OTOGL: variants seen among roughly 807,000 people sequenced by gnomAD.
OTOGL encodes otogelin like, also known as otogelin-like protein.
In OTOGL, 285 loss-of-function variants were observed where a neutral mutation model predicts 318.5. The observed-to-expected ratio is 0.89, with a 90% CI of 0.81 to 0.99. The LOEUF is 0.99. OTOGL is among the 50% of genes least tolerant of loss of function. OTOGL has a pLI of 0.00. For synonymous variants in OTOGL, 987 were observed against 936.5 expected (o/e 1.05, Z -0.99); for missense variants, 2,899 against 2,845.6 (o/e 1.02, Z -0.43).
intron 1 of OTOGL, among the ~76,000 whole-genome samples, chr12:80,156,971 G>A (rs1191996709): frequency 6.6e-6 from 1 of 152,056 alleles, no homozygotes; most frequent in East Asian, 1.9e-4. Flanking sequence ...TGGAATTGCT[G>A]GATCATAGGG....
At chr12:80,250,393 G>A (rs1192981348) in intron 11 of OTOGL, among the ~76,000 whole-genome samples, 1 of 152,020 alleles carries the variant, frequency 6.6e-6, no homozygotes, top group African/African-American at 2.4e-5. Flanking sequence ...AACAACAAAT[G>A]GTGAGTATTA....
At chr12:80,104,096 A>C (rs929841429) in intron 1 of OTOGL, among the ~76,000 whole-genome samples, 2 of 152,200 alleles carry the variant, frequency 1.3e-5, no homozygotes, top group African/African-American at 2.4e-5. Flanking sequence ...TGAAGCATGA[A>C]GGTGTTAAGC....
chr12:80,116,821 C>T (rs1870194631), intron 1 of OTOGL, among the ~76,000 whole-genome samples: 1 of 152,210 alleles, frequency 6.6e-6, no homozygotes, highest in African/African-American at 2.4e-5. Flanking sequence ...TAAACTACCA[C>T]ATCTCTGGAT....
At chr12:80,209,834 A>G (rs1877110254) in intron 2 of OTOGL, among the ~76,000 whole-genome samples, 1 of 152,052 alleles carries the variant, frequency 6.6e-6, no homozygotes, top group South Asian at 2.1e-4. Context: ...ATGATATGCA[A>G]TTGTATTAGA....
At chr12:80,277,836 G>A (rs956095206) in intron 24 of OTOGL, among the ~76,000 whole-genome samples, 1 of 151,346 alleles carries the variant, frequency 6.6e-6, no homozygotes, top group Non-Finnish European at 1.5e-5. Flanking sequence ...ATTGAAGAAC[G>A]GGACTCTCAT....
At chr12:80,220,818 A>G (rs73356995) in intron 6 of OTOGL, among the ~76,000 whole-genome samples, 15,813 of 152,062 alleles carry the variant, frequency 0.1, 975 homozygotes, top group Middle Eastern at 0.16. Context: ...AATACACAAC[A>G]GATACACAAT....
chr12:80,110,833 C>T (rs1392414381), intron 1 of OTOGL, among the ~76,000 whole-genome samples: 3 of 152,202 alleles, frequency 2.0e-5, no homozygotes, highest in African/African-American at 7.2e-5. Context: ...GCCACACTGT[C>T]TTCCACAATG....
Position 80,256,410 on chromosome 12 carries a change from G to C in OTOGL, c.1661G>C (p.Gly554Ala), listed in dbSNP as rs1201287303. 1.3e-6 allele frequency: 2 copies of C among 1,592,046 alleles called. No individual in the cohort carries two copies. Among genetic ancestry groups the C allele is most frequent in the East Asian group, 2.2e-5 (1 of 44,760 alleles). ...GATTTTAACAAACAAGTGACCCTTG[G>C]TAGGGGAGGACAAATTCTCACTAGT... ...EDDFNKQVTL[G>A]RGGQILTSPN... is the part of the protein sequence containing the mutation. Residue 554 changes from glycine (G) to alanine (A), a missense_variant, in exon 17 of 59, where the codon GGT (glycine) becomes GCT (alanine). This residue lies in a region of OTOGL where 2,607 missense variants were observed against 2,524.9 expected (regional missense o/e 1.03). Transcript: ENST00000547103.
intron 24 of OTOGL, among the ~76,000 whole-genome samples, chr12:80,274,609 C>T (rs558675166): frequency 1.0e-3 from 154 of 152,130 alleles, no homozygotes; most frequent in African/African-American, 3.7e-3. Flanking sequence ...CTACACTAAA[C>T]AATAGATTTT....
intron 32 of OTOGL, among the ~76,000 whole-genome samples, chr12:80,317,058 T>C (rs1887017331): frequency 6.6e-6 from 1 of 152,206 alleles, no homozygotes; most frequent in Non-Finnish European, 1.5e-5. Context: ...AGCACAATGA[T>C]TCTATATAAT....
chr12:80,260,002 T>G (rs1013924783), intron 18 of OTOGL, among the ~76,000 whole-genome samples: 7 of 152,086 alleles, frequency 4.6e-5, no homozygotes, highest in Admixed American at 1.3e-4. Flanking sequence ...GAAAATTTAT[T>G]GTTTATCTGT....
At chr12:80,368,836 G>C (rs1280906032) in intron 55 of OTOGL, among the ~76,000 whole-genome samples, 2 of 120,932 alleles carry the variant, frequency 1.7e-5, no homozygotes, top group Non-Finnish European at 3.4e-5. Flanking sequence ...TTTTTTTTTT[G>C]CAACTTACAA....
At chr12:80,355,609 AAAAC>A (rs1889838288) in intron 46 of OTOGL, 123 bp from the exon 47 acceptor site, 2 of 690,406 alleles carry the variant, frequency 2.9e-6, no homozygotes, top group African/African-American at 3.7e-5. Flanking sequence ...AAATCTGAGA[AAAAC>A]AATAGACTTG....
rs561490154 is a variant in OTOGL, at chr12:80,291,744, G to A, written c.2929-5083G>A. Among the ~76,000 whole-genome samples, 41 of 152,256 alleles carry A rather than the reference G, an allele frequency of 2.7e-4. 1 individual carries two copies. Among genetic ancestry groups the A allele is most frequent in the Middle Eastern group, 6.8e-3 (2 of 294 alleles). On this transcript the variant is annotated intron_variant, in intron 26 of 58. Transcript: ENST00000547103. The stretch of plus-strand genomic sequence containing the variant: ...TCAAAGCTGTGGTAAAATAACCAGC[G>A]TCTCCAACTGTTTCCTGTTACAACA...
intron 1 of OTOGL, among the ~76,000 whole-genome samples, chr12:80,111,222 A>G (rs573953331): frequency 6.6e-6 from 1 of 152,230 alleles, no homozygotes; most frequent in East Asian, 1.9e-4. Context: ...CTCCAATGAT[A>G]GTTTCTTTTG....
At chr12:80,294,223 G>A (rs7978686) in intron 26 of OTOGL, among the ~76,000 whole-genome samples, 5,087 of 151,910 alleles carry the variant, frequency 0.033, 284 homozygotes, top group African/African-American at 0.12. Context: ...ACTTTTAGGT[G>A]TATTGCTATT....
intron 35 of OTOGL, among the ~76,000 whole-genome samples, chr12:80,325,166 T>C (rs1887598550): frequency 6.6e-6 from 1 of 152,114 alleles, no homozygotes; most frequent in East Asian, 1.9e-4. Flanking sequence ...ATGTTGCCAA[T>C]AGGTAAGATC....
intron 1 of OTOGL, among the ~76,000 whole-genome samples, chr12:80,106,171 G>T (rs998512288): frequency 6.6e-6 from 1 of 152,292 alleles, no homozygotes; most frequent in Admixed American, 6.5e-5. Flanking sequence ...TTTGGTATTT[G>T]TGCGTGGACA....
At chr12:80,249,753 C>T (rs567630026) in intron 11 of OTOGL, among the ~76,000 whole-genome samples, 1 of 152,286 alleles carries the variant, frequency 6.6e-6, no homozygotes, top group East Asian at 1.9e-4. Flanking sequence ...GGCGGGCGCC[C>T]CTCCCCCAGC....
Sources: gnomAD v4.1 joint callset for allele counts (sites outside exome capture counted in the v4.1 genomes callset) on GRCh38, gnomAD v4.1.1 for gene constraint, gnomAD v4.1.1 regional missense constraint, MANE v1.5 for transcripts, NCBI Gene and HGNC (gene_info 2026-07-23, HGNC 2026-07-21) for gene names.